The following GPSM2 variants were observed in gnomAD, a reference collection of about 807,000 sequenced individuals.
GPSM2 encodes the protein G protein-signaling modulator 2.
In GPSM2, 58 loss-of-function variants were observed where a neutral mutation model predicts 78.4. The ratio of observed to expected loss-of-function variants is 0.74; its 90% CI spans 0.60 to 0.92. The LOEUF (loss-of-function observed/expected upper bound fraction) is 0.92, where lower values mean the gene tolerates loss of function less well. Ranked by LOEUF, GPSM2 falls within the 40% of genes least tolerant of loss-of-function variation. The pLI is 0.00. For synonymous variants in GPSM2, 224 were observed against 280.2 expected, an observed-to-expected ratio of 0.80 and a Z score of 2.00; for missense variants, 700 against 815.5, an observed-to-expected ratio of 0.86 and a Z score of 1.73.
chr1:108,883,190 T>C (rs916829422), intron 1 of GPSM2, among the ~76,000 whole-genome samples: 2 of 152,236 alleles, frequency 1.3e-5, no homozygotes, highest in African/African-American at 4.8e-5. Context: ...AAAACCTCAT[T>C]TCCTCTTGGA....
At chr1:108,895,270 A>G (rs1327115349) in intron 2 of GPSM2, among the ~76,000 whole-genome samples, 1 of 152,230 alleles carries the variant, frequency 6.6e-6, no homozygotes, top group Non-Finnish European at 1.5e-5. Context: ...AGCTCATTCT[A>G]GTAAGGAGTA....
Position 108,933,150 on chromosome 1 carries a change from C to G in GPSM2, c.*3210C>G, listed in dbSNP as rs1255822928. 6.7e-6 allele frequency: 1 copy of G among 148,518 alleles called. No individual in the cohort carries two copies. The highest frequency in any genetic ancestry group is 1.5e-5 in the Non-Finnish European group (1 of 67,120). The allele number at this position is 148,518 out of a possible 1,614,324, so 9.2% of individuals were successfully genotyped here. ...GTAGGCATGAGCCACTGCACCTGGCCTAAAATTACATTGTTACAGGCACGT... is the reference window on the plus strand; with the variant it reads ...GTAGGCATGAGCCACTGCACCTGGCGTAAAATTACATTGTTACAGGCACGT... On this transcript the variant is annotated 3_prime_UTR_variant, in exon 15 of 15. Transcript: ENST00000264126.
At chr1:108,916,254 G>C in intron 11 of GPSM2, among the ~76,000 whole-genome samples, 1 of 146,918 alleles carries the variant, frequency 6.8e-6, no homozygotes, top group South Asian at 2.1e-4. Flanking sequence ...GTGAGACCCT[G>C]TCTCTGAAAA....
intron 6 of GPSM2, 21 bp downstream of exon 6, chr1:108,898,786 G>T: frequency 6.2e-7 from 1 of 1,613,554 alleles, no homozygotes; most frequent in Non-Finnish European, 8.5e-7. Flanking sequence ...AAGCCTTGGA[G>T]CCAGATCATT....
intron 12 of GPSM2, among the ~76,000 whole-genome samples, chr1:108,919,012 C>T (rs1407984434): frequency 1.3e-5 from 2 of 148,776 alleles, no homozygotes; most frequent in East Asian, 2.0e-4. Flanking sequence ...ATTTCTTTTT[C>T]TTTTTTTTTT....
At chr1:108,908,677 A>G (rs1245766885) in intron 10 of GPSM2, among the ~76,000 whole-genome samples, 1 of 135,016 alleles carries the variant, frequency 7.4e-6, no homozygotes, top group Non-Finnish European at 1.6e-5. Context: ...CTCAAAACAC[A>G]CGTGCGCGCA....
Position 108,904,133 on chromosome 1 carries a change from TA to T in GPSM2, c.1075del (p.Ser359ValfsTer4). On this transcript the variant is annotated frameshift_variant, in exon 10 of 15. Coordinates refer to ENST00000264126, the MANE Select transcript of GPSM2 (RefSeq NM_013296.5). LOFTEE classifies it high-confidence loss of function. The part of the protein sequence containing the change: ...HLEISREVGD[K>X]SGELTARLNL... ...AAATGTTTGTGTTGTAGGTTGGGGA[TA>T]AAAGTGGTGAACTAACAGCACGACT... 6.3e-7 allele frequency: 1 copy of T among 1,597,270 alleles called. No homozygotes were observed. Among genetic ancestry groups the T allele is most frequent in the South Asian group, 1.1e-5 (1 of 90,728 alleles).
chr1:108,914,958 T>C (rs1650065870), intron 11 of GPSM2, among the ~76,000 whole-genome samples: 1 of 152,180 alleles, frequency 6.6e-6, no homozygotes, highest in African/African-American at 2.4e-5. Flanking sequence ...CCTAGGCTTT[T>C]TCTTGCAGGA....
intron 10 of GPSM2, among the ~76,000 whole-genome samples, chr1:108,907,639 GA>G (rs201784405): frequency 6.6e-6 from 1 of 150,452 alleles, no homozygotes; most frequent in African/African-American, 2.4e-5. Flanking sequence ...TAGGTAGACT[GA>G]AAAAAAAAGC....
At chr1:108,918,573 G>C in intron 11 of GPSM2, 40 bp from the exon 12 acceptor site, 1 of 1,428,192 alleles carries the variant, frequency 7.0e-7, no homozygotes, top group Non-Finnish European at 9.9e-7. Context: ...TGGGGATTTG[G>C]GGGTGTTTAT....
At chr1:108,891,511 T>C (rs957520510) in intron 2 of GPSM2, among the ~76,000 whole-genome samples, 1 of 152,050 alleles carries the variant, frequency 6.6e-6, no homozygotes, top group Admixed American at 6.6e-5. Context: ...TTTATTTTAT[T>C]TGAGATAGGG....
intron 10 of GPSM2, chr1:108,909,893 C>T (rs1430630094): frequency 8.4e-5 from 10 of 119,280 alleles, no homozygotes; most frequent in African/African-American, 3.0e-4. Context: ...CAGAGCAAGA[C>T]GCCATCTCCA....
Position 108,929,937 on chromosome 1 carries a change from T to A in GPSM2, c.2052T>A (p.His684Gln). ...FKNSGKKSAD[H>Q] The stretch of plus-strand genomic sequence containing the variant: ...ATTCAGGGAAAAAATCGGCAGACCA[T>A]TAGTTACTATGGATTTATTTTTTTT... Residue 684 changes from histidine (H) to glutamine (Q), a missense_variant, in exon 15 of 15, where the codon CAT becomes CAA. By Grantham distance (24) the His-to-Gln change is conservative. Transcript: ENST00000264126. The A allele has an allele frequency of 6.2e-7, 1 of 1,612,804 alleles. No homozygotes were observed. The highest frequency in any genetic ancestry group is 8.5e-7 in the Non-Finnish European group (1 of 1,178,956).
At chr1:108,906,165 G>GGAAA (rs34704593) in intron 10 of GPSM2, among the ~76,000 whole-genome samples, 5,294 of 152,206 alleles carry the variant, frequency 0.035, 105 homozygotes, top group Middle Eastern at 0.075. Context: ...TCAGGAAATA[G>GGAAA]TATCACCATT....
chr1:108,897,859 A>T (rs540525094), intron 4 of GPSM2, 100 bp from the exon 5 acceptor site: 13 of 1,250,728 alleles, frequency 1.0e-5, no homozygotes, highest in African/African-American at 6.0e-5. Context: ...CAATATAAAA[A>T]TTTTTTTCCC....
intron 2 of GPSM2, among the ~76,000 whole-genome samples, chr1:108,888,530 C>T (rs1332312096): frequency 2.0e-5 from 3 of 151,808 alleles, no homozygotes; most frequent in African/African-American, 7.3e-5. Context: ...TGTGAAGATG[C>T]GATCTCACTC....
intron 10 of GPSM2, among the ~76,000 whole-genome samples, chr1:108,905,592 C>T (rs995325341): frequency 6.6e-6 from 1 of 152,070 alleles, no homozygotes; most frequent in Admixed American, 6.5e-5. Context: ...ATTCTCTTCT[C>T]TCCTCTTCTT....
In GPSM2 at chr1:108,910,027, ATAAAAT is replaced by A. The variant is rs1198137949; in HGVS notation, c.1193-4305_1193-4300del. ...GGCAAAAATTAAAAAGCAGAATTTAATAAAATTAAAACAGTGTTTTCTTTAAGTCAA... is the reference window on the plus strand; with the variant it reads ...GGCAAAAATTAAAAAGCAGAATTTAATAAAACAGTGTTTTCTTTAAGTCAA... On this transcript the variant is annotated intron_variant, in intron 10 of 14. Transcript: ENST00000264126. 3 of 152,094 alleles carry A rather than the reference ATAAAAT, an allele frequency of 2.0e-5. No individual in the cohort carries two copies. In the South Asian group the frequency reaches 6.2e-4, roughly 31 times the overall value. The allele number at this position is 152,094 out of a possible 1,614,324, so 9.4% of individuals were successfully genotyped here. A position where few individuals can be genotyped will look rare whatever the true frequency, so the allele number is the denominator to read the frequency against.
intron 1 of GPSM2, among the ~76,000 whole-genome samples, chr1:108,879,841 A>G (rs1460316622): frequency 1.3e-5 from 2 of 152,260 alleles, no homozygotes; most frequent in East Asian, 3.9e-4. Context: ...CTGAATATGA[A>G]TATATGCTTC....
Sources: gnomAD v4.1 joint callset for allele counts (sites outside exome capture counted in the v4.1 genomes callset) on GRCh38, gnomAD v4.1.1 for gene constraint, MANE v1.5 for transcripts, NCBI Gene and HGNC (gene_info 2026-07-23, HGNC 2026-07-21) for gene names.